Variants in ERI1 observed in about 807,000 individuals in gnomAD.
The protein encoded by ERI1 is exoribonuclease 1.
Under a neutral mutation model 39.7 loss-of-function variants are expected in ERI1, and 39 were observed. The ratio of observed to expected loss-of-function variants is 0.98; its 90% confidence interval spans 0.76 to 1.28. The LOEUF (loss-of-function observed/expected upper bound fraction) is 1.28, where lower values mean the gene tolerates loss of function less well. Ranked by LOEUF, ERI1 falls within the 50% of genes most tolerant of loss-of-function variation. The pLI, the probability that ERI1 is intolerant of heterozygous loss-of-function variation, is 0.00. For missense variants in ERI1, 581 were observed against 416.9 expected, an observed-to-expected ratio of 1.39 and a Z score of -3.43; for synonymous variants, 204 against 149.6, an observed-to-expected ratio of 1.36 and a Z score of -2.65.
chr8:9,075,397 G>A (rs1007330401), intron 3 of ERI1, among the ~76,000 whole-genome samples: 1 of 152,062 alleles, frequency 6.6e-6, no homozygotes, highest in African/African-American at 2.4e-5. Flanking sequence ...TTACCGAGGA[G>A]TTTGTGTACA....
intron 6 of ERI1, among the ~76,000 whole-genome samples, chr8:9,022,010 C>G (rs1563327269): frequency 6.6e-6 from 1 of 151,572 alleles, no homozygotes; most frequent in Non-Finnish European, 1.5e-5. Context: ...TAAGAAAAAC[C>G]TAAGAGTGCA....
At chr8:9,072,443 T>C (rs1439272599) in intron 3 of ERI1, 1 of 152,170 alleles carries the variant, frequency 6.6e-6, no homozygotes, top group East Asian at 1.9e-4. Context: ...TTTTTCTTTC[T>C]GTTTTTTACT....
chr8:9,016,283 T>G (rs760404463), intron 3 of ERI1, 39 bp from the exon 4 acceptor site: 6 of 1,311,110 alleles, frequency 4.6e-6, no homozygotes, highest in Admixed American at 1.9e-5. Flanking sequence ...GTATCTTAAC[T>G]CATATAAATT....
chr8:9,014,431 T>G (rs1817012603), intron 3 of ERI1, among the ~76,000 whole-genome samples: 1 of 152,174 alleles, frequency 6.6e-6, no homozygotes, highest in South Asian at 2.1e-4. Context: ...TCTACTTTCC[T>G]TTGCTTGCTC....
chr8:9,012,898 A>T (rs924146198), intron 3 of ERI1, among the ~76,000 whole-genome samples: 2 of 148,880 alleles, frequency 1.3e-5, no homozygotes, highest in African/African-American at 5.0e-5. Flanking sequence ...CATTCTCTCA[A>T]ATTTATACCA....
intron 3 of ERI1, among the ~76,000 whole-genome samples, chr8:9,095,890 G>T (rs1725704887): frequency 6.6e-6 from 1 of 152,110 alleles, no homozygotes; most frequent in African/African-American, 2.4e-5. Context: ...AAGGCACTTG[G>T]CCTTACTAGC....
At chr8:9,061,405 G>A (rs1468918745) in intron 3 of ERI1, among the ~76,000 whole-genome samples, 1 of 152,210 alleles carries the variant, frequency 6.6e-6, no homozygotes, top group Non-Finnish European at 1.5e-5. Context: ...GGAGCAGAAA[G>A]TATATGCATC....
At chr8:9,098,472 G>C (rs1438952806) in intron 3 of ERI1, among the ~76,000 whole-genome samples, 1 of 152,138 alleles carries the variant, frequency 6.6e-6, no homozygotes, top group African/African-American at 2.4e-5. Context: ...GAGCCGAAAT[G>C]GCGCCTTTGC....
chr8:9,096,885 T>C (rs1799893358), intron 3 of ERI1: 1 of 152,028 alleles, frequency 6.6e-6, no homozygotes, highest in Non-Finnish European at 1.5e-5. Flanking sequence ...CCGGCCTCTG[T>C]TCCCACTTTC....
At chr8:9,034,224 C>G (rs531516748), downstream of ERI1, among the ~76,000 whole-genome samples, 2 of 152,240 alleles carry the variant, frequency 1.3e-5, no homozygotes, top group African/African-American at 2.4e-5. Flanking sequence ...TTTCTACTTG[C>G]AAGTGAATGT....
At chr8:9,009,732 GT>G in intron 2 of ERI1, among the ~76,000 whole-genome samples, 1 of 152,182 alleles carries the variant, frequency 6.6e-6, no homozygotes, top group East Asian at 1.9e-4. Context: ...TGAAGATAGG[GT>G]TTCTCCATGT....
At chr8:9,005,622 C>T (rs1815919139) in intron 1 of ERI1, among the ~76,000 whole-genome samples, 2 of 150,782 alleles carry the variant, frequency 1.3e-5, no homozygotes, top group Admixed American at 1.3e-4. Flanking sequence ...TCACGCCATT[C>T]TCCTGCCTCA....
At chr8:9,023,892 G>A (rs369131033) in intron 6 of ERI1, among the ~76,000 whole-genome samples, 26 of 133,340 alleles carry the variant, frequency 1.9e-4, no homozygotes, top group African/African-American at 5.9e-4. Flanking sequence ...TCTGCCTCCC[G>A]GGTTCAAGCA....
At chr8:9,089,324 T>G (rs1323059622) in intron 3 of ERI1, among the ~76,000 whole-genome samples, 1 of 152,202 alleles carries the variant, frequency 6.6e-6, no homozygotes, top group East Asian at 1.9e-4. Flanking sequence ...AGGCTGGTCT[T>G]GAACTACTGG....
chr8:9,011,618 T>G lies in ERI1; in HGVS notation c.364T>G (p.Phe122Val). 6.2e-7 allele frequency: 1 copy of G among 1,613,506 alleles called. No individual in the cohort carries two copies. The highest frequency in any genetic ancestry group is 8.5e-7 in the Non-Finnish European group (1 of 1,179,608). The change falls in exon 3 of 7, where the codon TTT becomes GTT. Residue 122 changes from phenylalanine to valine, a missense_variant. Phe to Val is a conservative substitution (Grantham distance 50, BLOSUM62 -1). Coordinates refer to ENST00000250263, the MANE Select transcript of ERI1 (RefSeq NM_153332.4). The stretch of plus-strand genomic sequence containing the variant: ...GAAGCTGATGCTGAAAGAGAGCAAT[T>G]TTGCTGACAGTTATTATGACTACAT... ...KQKLMLKESN[F>V]ADSYYDYICI...
intron 3 of ERI1, among the ~76,000 whole-genome samples, chr8:9,077,782 G>A (rs1010318485): frequency 3.3e-5 from 5 of 152,176 alleles, no homozygotes; most frequent in African/African-American, 9.7e-5. Flanking sequence ...AGATAAGAGA[G>A]GACTAGAGAA....
At chr8:9,005,765 A>G (rs977503754) in intron 1 of ERI1, among the ~76,000 whole-genome samples, 7 of 152,170 alleles carry the variant, frequency 4.6e-5, no homozygotes, top group African/African-American at 1.7e-4. Flanking sequence ...AAGTGCTGGG[A>G]TTACAGGCGT....
chr8:9,035,546 G>C (rs1797816720), downstream of ERI1, among the ~76,000 whole-genome samples: 1 of 152,030 alleles, frequency 6.6e-6, no homozygotes, highest in Non-Finnish European at 1.5e-5. Flanking sequence ...CTGCTGTTGA[G>C]ACTTAGTGCT....
chr8:9,037,858 C>G (rs1294404548), downstream of ERI1, among the ~76,000 whole-genome samples: 1 of 147,680 alleles, frequency 6.8e-6, no homozygotes, highest in Non-Finnish European at 1.5e-5. Context: ...TTAAGCTGTC[C>G]TTCCTAGTAG....
Sources: allele counts gnomAD v4.1 joint callset (sites outside exome capture counted in the v4.1 genomes callset), GRCh38; gene constraint gnomAD v4.1.1; transcripts MANE v1.5; gene names NCBI Gene and HGNC (gene_info 2026-07-23, HGNC 2026-07-21).